The following TTLL13 variants were observed in gnomAD, a reference collection of about 807,000 sequenced individuals.
TTLL13 encodes tubulin polyglutamylase TTLL13.
At chr15:90,263,057 C>G in the TTLL13 span, 1 of 1,536,156 alleles carries the variant, frequency 6.5e-7, no homozygotes, top group South Asian at 1.2e-5. Context: ...CAAAGGGAGA[C>G]TCTCATCCGA....
the TTLL13 span, chr15:90,253,323 T>C: frequency 1.2e-6 from 2 of 1,613,674 alleles, no homozygotes; most frequent in Non-Finnish European, 1.7e-6. Context: ...CTGGACAGAC[T>C]GCGCTGTCTC....
At chr15:90,257,516 G>T in the TTLL13 span, 1 of 1,045,352 alleles carries the variant, frequency 9.6e-7, no homozygotes, top group Non-Finnish European at 1.4e-6. Context: ...GCAGTCCTCT[G>T]GTGGAGAGAG....
the TTLL13 span, among the ~76,000 whole-genome samples, chr15:90,256,633 CCTTCCTTCTTT>C: frequency 6.8e-3 from 522 of 76,340 alleles, 9 homozygotes; most frequent in African/African-American, 0.029. Flanking sequence ...TTCCTTCCTT[CCTTCCTTCTTT>C]CTTTCTCCCT....
At chr15:90,264,609 G>C in the TTLL13 span, 1 of 1,254,282 alleles carries the variant, frequency 8.0e-7, no homozygotes, top group Non-Finnish European at 1.1e-6. Context: ...ACAGTGGAGG[G>C]AAGCATGAGA....
chr15:90,262,126 C>T, the TTLL13 span: 1 of 1,535,844 alleles, frequency 6.5e-7, no homozygotes, highest in African/African-American at 1.4e-5. Flanking sequence ...ATGCCCGCTT[C>T]TTCAAGCACA....
the TTLL13 span, chr15:90,257,417 G>A: frequency 2.3e-6 from 3 of 1,323,272 alleles, no homozygotes; most frequent in Non-Finnish European, 3.1e-6. Context: ...CATCTAGCTG[G>A]GAGGCAAGTG....
chr15:90,253,795 G>A, the TTLL13 span, among the ~76,000 whole-genome samples: 1 of 152,172 alleles, frequency 6.6e-6, no homozygotes, highest in South Asian at 2.1e-4. Context: ...AGAAATTCAG[G>A]AATGATCCAC....
the TTLL13 span, among the ~76,000 whole-genome samples, chr15:90,260,145 A>G: frequency 6.6e-6 from 1 of 152,232 alleles, no homozygotes; most frequent in African/African-American, 2.4e-5. Context: ...ATGGTTGAAC[A>G]GTACTGGACT....
At chr15:90,253,176 T>C in the TTLL13 span, 1 of 1,306,310 alleles carries the variant, frequency 7.7e-7, no homozygotes, top group Non-Finnish European at 1.1e-6. Flanking sequence ...ATACCTTACC[T>C]GACCCAGCTA....
chr15:90,252,983 C>T, the TTLL13 span, among the ~76,000 whole-genome samples: 1 of 151,990 alleles, frequency 6.6e-6, no homozygotes, highest in Non-Finnish European at 1.5e-5. Flanking sequence ...AGCACAAGGG[C>T]GAAACTCCGT....
At chr15:90,261,793 A>G in the TTLL13 span, among the ~76,000 whole-genome samples, 12 of 152,194 alleles carry the variant, frequency 7.9e-5, no homozygotes, top group African/African-American at 2.9e-4. Context: ...AAAGAAAAGA[A>G]AAGCAAATCA....
At chr15:90,253,443 C>A in the TTLL13 span, 1 of 1,011,930 alleles carries the variant, frequency 9.9e-7, no homozygotes, top group Non-Finnish European at 1.5e-6. Context: ...TGCCCAGGCA[C>A]CCAAGACTGC....
the TTLL13 span, among the ~76,000 whole-genome samples, chr15:90,260,138 G>T: frequency 3.9e-4 from 59 of 152,310 alleles, no homozygotes; most frequent in Non-Finnish European, 6.9e-4. Context: ...AGGAAAAATG[G>T]TTGAACAGTA....
At chr15:90,262,690 C>T in the TTLL13 span, 1 of 1,457,216 alleles carries the variant, frequency 6.9e-7, no homozygotes, top group South Asian at 1.4e-5. Context: ...TTTTGTAGCT[C>T]TTATCTTTCC....
At chr15:90,250,895 T>C in the TTLL13 span, 1 of 1,612,902 alleles carries the variant, frequency 6.2e-7, no homozygotes, top group Non-Finnish European at 8.5e-7. Flanking sequence ...CAGGTAACTA[T>C]TCCCTAGATC....
the TTLL13 span, chr15:90,258,688 C>T: frequency 7.0e-7 from 1 of 1,438,822 alleles, no homozygotes; most frequent in African/African-American, 1.4e-5. Flanking sequence ...CTGCAAGAGG[C>T]CACCACCTGC....
chr15:90,256,314 G>A, the TTLL13 span: 1 of 1,613,956 alleles, frequency 6.2e-7, no homozygotes, highest in Non-Finnish European at 8.5e-7. Flanking sequence ...GATGCCTCAG[G>A]ACCATCAGCC....
At chr15:90,264,570 C>A in the TTLL13 span, 1 of 887,806 alleles carries the variant, frequency 1.1e-6, no homozygotes, top group Non-Finnish European at 1.7e-6. Flanking sequence ...AAAGACATAC[C>A]ATACCAATTA....
chr15:90,252,658 C>A, the TTLL13 span, among the ~76,000 whole-genome samples: 1 of 152,096 alleles, frequency 6.6e-6, no homozygotes, highest in African/African-American at 2.4e-5. Flanking sequence ...CAGTGTGACC[C>A]CACCTATAGG....
Sources: allele counts gnomAD v4.1 joint callset (sites outside exome capture counted in the v4.1 genomes callset), GRCh38; gene constraint gnomAD v4.1.1; transcripts MANE v1.5; gene names NCBI Gene and HGNC (gene_info 2026-07-23, HGNC 2026-07-21).